The following MEGF11 variants were observed in gnomAD, a reference collection of about 807,000 sequenced individuals.
MEGF11 encodes multiple EGF like domains 11.
A neutral mutation model predicts 146.6 loss-of-function variants in MEGF11; 126 were observed. The ratio of observed to expected loss-of-function variants is 0.86; its 90% CI spans 0.74 to 1.00. The LOEUF (loss-of-function observed/expected upper bound fraction) is 1.00, where lower values mean the gene tolerates loss of function less well. Ranked by LOEUF, MEGF11 falls within the 50% of genes least tolerant of loss-of-function variation. The probability of loss-of-function intolerance (pLI) is 0.00; values close to 1 mark genes in which losing one functional copy is unlikely to be tolerated. For synonymous variants in MEGF11, 532 were observed against 583.4 expected, an observed-to-expected ratio of 0.91 and a Z score of 1.27; for missense variants, 1,509 against 1,521.2, an observed-to-expected ratio of 0.99 and a Z score of 0.13.
At chr15:66,133,171 T>C (rs913827862) in intron 1 of MEGF11, among the ~76,000 whole-genome samples, 1 of 152,128 alleles carries the variant, frequency 6.6e-6, no homozygotes, top group Non-Finnish European at 1.5e-5. Context: ...CATCAGATAC[T>C]GTACAGTGGG....
chr15:66,121,218 G>A (rs1210385328), intron 3 of MEGF11, among the ~76,000 whole-genome samples: 1 of 152,224 alleles, frequency 6.6e-6, no homozygotes, highest in Non-Finnish European at 1.5e-5. Flanking sequence ...ATACCCCTGA[G>A]CAAACTTGGC....
At chr15:66,207,288 G>A (rs2091323956) in intron 1 of MEGF11, among the ~76,000 whole-genome samples, 1 of 152,162 alleles carries the variant, frequency 6.6e-6, no homozygotes, top group African/African-American at 2.4e-5. Context: ...GACCAACACA[G>A]ACTCTTGAAA....
At chr15:65,988,082 A>G (rs571700047) in intron 5 of MEGF11, among the ~76,000 whole-genome samples, 1 of 144,236 alleles carries the variant, frequency 6.9e-6, no homozygotes, top group Non-Finnish European at 1.5e-5. Context: ...ATATCTGCTC[A>G]CTGCAACTTC....
At chr15:66,039,153 T>A (rs2083847412) in intron 5 of MEGF11, among the ~76,000 whole-genome samples, 1 of 152,144 alleles carries the variant, frequency 6.6e-6, no homozygotes, top group Non-Finnish European at 1.5e-5. Context: ...ATTTGAGGGA[T>A]GGCAGCGATG....
intron 7 of MEGF11, among the ~76,000 whole-genome samples, chr15:65,975,316 G>A (rs956301309): frequency 1.3e-5 from 2 of 152,178 alleles, no homozygotes; most frequent in Non-Finnish European, 2.9e-5. Flanking sequence ...GTCCTTTTTA[G>A]TACTTCTCAG....
chr15:66,021,566 C>A (rs1049418359), intron 5 of MEGF11, among the ~76,000 whole-genome samples: 1 of 152,224 alleles, frequency 6.6e-6, no homozygotes, highest in Non-Finnish European at 1.5e-5. Flanking sequence ...TCCTTTCTGG[C>A]TCTGAAAATC....
At chr15:66,082,595 A>G (rs1034574439) in intron 5 of MEGF11, among the ~76,000 whole-genome samples, 2 of 137,872 alleles carry the variant, frequency 1.5e-5, no homozygotes, top group Non-Finnish European at 3.1e-5. Flanking sequence ...GCTTGAACCC[A>G]GGAGGCAGAG....
intron 1 of MEGF11, among the ~76,000 whole-genome samples, chr15:66,227,699 C>T (rs1238210191): frequency 6.6e-6 from 1 of 152,174 alleles, no homozygotes; most frequent in Admixed American, 6.5e-5. Flanking sequence ...ACCTTTCTTC[C>T]CCAGTTCAAG....
chr15:65,937,430 G>A (rs1189801299), intron 10 of MEGF11, among the ~76,000 whole-genome samples: 1 of 152,210 alleles, frequency 6.6e-6, no homozygotes, highest in Non-Finnish European at 1.5e-5. Context: ...GCTAGAAGTA[G>A]TCTATCTTCT....
intron 20 of MEGF11, among the ~76,000 whole-genome samples, chr15:65,912,960 G>A (rs148943516): frequency 5.2e-4 from 79 of 152,302 alleles, no homozygotes; most frequent in African/African-American, 1.8e-3. Flanking sequence ...CTGTCACCTT[G>A]TGCTCACCCA....
intron 5 of MEGF11, among the ~76,000 whole-genome samples, chr15:66,088,563 G>A (rs1021989190): frequency 1.3e-5 from 2 of 152,126 alleles, no homozygotes; most frequent in African/African-American, 4.8e-5. Context: ...GCTGAAGCAG[G>A]AGAATCACTT....
intron 10 of MEGF11, among the ~76,000 whole-genome samples, chr15:65,945,914 A>G (rs532675128): frequency 8.5e-5 from 13 of 152,250 alleles, no homozygotes; most frequent in Admixed American, 6.5e-4. Context: ...CAACCTGACT[A>G]TTGGGTTCAG....
Position 66,218,979 on chromosome 15 carries a change from C to A in MEGF11, c.-9+34626G>T, listed in dbSNP as rs987909. 3.3e-3 allele frequency among the ~76,000 whole-genome samples: 284 copies of A among 86,910 alleles called. 3 individuals are homozygous for A. The highest frequency in any genetic ancestry group is 6.9e-3 in the African/African-American group (111 of 15,988). 57.0% of individuals were successfully genotyped at this position (86,910 alleles called of 152,430 possible). A position where few individuals can be genotyped will look rare whatever the true frequency, so the allele number is the denominator to read the frequency against. On this transcript the variant is annotated intron_variant, in intron 1 of 25. Coordinates refer to ENST00000395614, the MANE Select transcript of MEGF11 (RefSeq NM_001385028.1). Reference sequence around the variant, plus strand: ...ATCAGAACAACTGGATATCCACAGGCAAAAAAAAAAAAAAAAACCTTAACC... The same window carrying A: ...ATCAGAACAACTGGATATCCACAGGAAAAAAAAAAAAAAAAAACCTTAACC...
chr15:66,253,149 G>A (rs2092399577), intron 1 of MEGF11, among the ~76,000 whole-genome samples: 1 of 152,206 alleles, frequency 6.6e-6, no homozygotes, highest in Admixed American at 6.5e-5. Context: ...TCTGCCTCCC[G>A]ACCCCGGCGG....
intron 1 of MEGF11, among the ~76,000 whole-genome samples, chr15:66,236,363 G>T (rs2092091409): frequency 6.6e-6 from 1 of 152,144 alleles, no homozygotes; most frequent in African/African-American, 2.4e-5. Flanking sequence ...CCGACAGGCA[G>T]GGACATGGTC....
chr15:65,921,748 C>T (rs1378301050), intron 15 of MEGF11: 1 of 152,480 alleles, frequency 6.6e-6, no homozygotes, highest in Non-Finnish European at 1.5e-5. Flanking sequence ...GGTTTTTCCC[C>T]CACAAAGAGC....
At chr15:66,100,243 CAG>C (rs1193633695) in intron 4 of MEGF11, among the ~76,000 whole-genome samples, 1 of 152,212 alleles carries the variant, frequency 6.6e-6, no homozygotes, top group Non-Finnish European at 1.5e-5. Context: ...GTCCAAAATA[CAG>C]AGAGGGCCAG....
At chr15:66,066,939 T>C (rs1449257237) in intron 5 of MEGF11, among the ~76,000 whole-genome samples, 3 of 152,168 alleles carry the variant, frequency 2.0e-5, no homozygotes, top group Admixed American at 1.3e-4. Context: ...ATTCCAGTTC[T>C]CCTCCGTGTG....
At chr15:66,034,398 GTT>G (rs58298192) in intron 5 of MEGF11, among the ~76,000 whole-genome samples, 1,873 of 145,012 alleles carry the variant, frequency 0.013, 46 homozygotes, top group African/African-American at 0.043. Context: ...TGGAATGCTG[GTT>G]TTTTTTTTTT....
Sources: allele counts gnomAD v4.1 joint callset (sites outside exome capture counted in the v4.1 genomes callset), GRCh38; gene constraint gnomAD v4.1.1; transcripts MANE v1.5; gene names NCBI Gene and HGNC (gene_info 2026-07-23, HGNC 2026-07-21).